LMO7: variants seen among roughly 807,000 people sequenced by gnomAD.
The protein encoded by LMO7 is LIM domain 7.
LMO7 carries 120 observed loss-of-function variants against 206.5 expected under a neutral mutation model. The ratio of observed to expected loss-of-function variants is 0.58; its 90% CI spans 0.50 to 0.68. LMO7 has a LOEUF of 0.68. Ranked by LOEUF, LMO7 falls within the 30% of genes least tolerant of loss-of-function variation. The probability of loss-of-function intolerance (pLI) is 0.00; values close to 1 mark genes in which losing one functional copy is unlikely to be tolerated. For synonymous variants in LMO7, 706 were observed against 681.5 expected (o/e 1.04, Z -0.56); for missense variants, 1,959 against 1,957.9 (o/e 1.00, Z -0.01).
chr13:75,652,614 A>AGTGTGTGTGTGTGTGTGT (rs59671117), intron 1 of LMO7, among the ~76,000 whole-genome samples: 4 of 137,878 alleles, frequency 2.9e-5, no homozygotes, highest in African/African-American at 8.2e-5. Context: ...CCACAAGTTC[A>AGTGTGTGTGTGTGTGTGT]GTGTGTGTGT....
rs144089219 is a variant in LMO7, at chr13:75,841,931, C to T, written c.3979C>T (p.Arg1327Cys). The T allele has an allele frequency of 1.1e-3, 1,744 of 1,613,146 alleles. 2 individuals carry two copies. Among genetic ancestry groups the T allele is most frequent in the South Asian group, 2.7e-3 (249 of 91,042 alleles). Residue 1327 changes from arginine to cysteine, a missense_variant, in exon 24 of 31, where the codon CGC becomes TGC. Transcript: ENST00000377534. ...EQKRPAEEQK[R>C]QAEIERETSV... Reference sequence around the variant, plus strand: ...GAAGCGTCCTGCGGAGGAGCAGAAGCGCCAGGCAGAGATAGAGCGGGAAAC... The same window carrying T: ...GAAGCGTCCTGCGGAGGAGCAGAAGTGCCAGGCAGAGATAGAGCGGGAAAC...
Position 75,774,644 on chromosome 13 carries a change from G to A in LMO7, c.317+13606G>A, listed in dbSNP as rs74458052. Among the ~76,000 whole-genome samples, 383 of 152,064 alleles carry A rather than the reference G, an allele frequency of 2.5e-3. 3 individuals are homozygous for A. In the East Asian group the frequency reaches 0.037, roughly 15 times the overall value. ...TGAGCATCTTTCCATGTACTTAATG[G>A]CTGTTTTAATATACATTATTATCTG... On this transcript the variant is annotated intron_variant, in intron 4 of 30. Transcript: ENST00000377534.
intron 1 of LMO7, among the ~76,000 whole-genome samples, chr13:75,668,290 G>T (rs1296198511): frequency 2.6e-5 from 4 of 152,318 alleles, no homozygotes; most frequent in Middle Eastern, 6.8e-3. Context: ...TCTCTGTAGT[G>T]GTGGCAGTTT....
intron 1 of LMO7, among the ~76,000 whole-genome samples, chr13:75,643,171 C>G (rs576823126): frequency 6.6e-6 from 1 of 152,344 alleles, no homozygotes; most frequent in Non-Finnish European, 1.5e-5. Context: ...CTCTTTCTCT[C>G]TGGATGCCGA....
At chr13:75,692,089 G>GCCT (rs1228592846) in intron 1 of LMO7, among the ~76,000 whole-genome samples, 3 of 152,122 alleles carry the variant, frequency 2.0e-5, no homozygotes, top group Non-Finnish European at 4.4e-5. Context: ...TTGACTTTCT[G>GCCT]CCTCCTCCTG....
intron 3 of LMO7, among the ~76,000 whole-genome samples, chr13:75,749,829 C>T (rs1233382080): frequency 6.6e-6 from 1 of 151,532 alleles, no homozygotes; most frequent in Admixed American, 6.6e-5. Context: ...CCCTCACCCC[C>T]ACCTTTTTTT....
Position 75,823,845 on chromosome 13 carries a change from C to T in LMO7, c.2921C>T (p.Ser974Phe). ...TCTGAATCTGGAGAAGGGGAAATCTCCCCACAAAGAGAAGTCTCAAGATCC... is the reference window on the plus strand; with the variant it reads ...TCTGAATCTGGAGAAGGGGAAATCTTCCCACAAAGAGAAGTCTCAAGATCC... ...LMSESGEGEI[S>F]PQREVSRSQD... Residue 974 changes from serine (S) to phenylalanine (F), a missense_variant, in exon 15 of 31, where the codon TCC (serine) becomes TTC (phenylalanine). Coordinates refer to ENST00000377534, the MANE Select transcript of LMO7 (RefSeq NM_001306080.2). 4 of 1,613,926 alleles carry T rather than the reference C, an allele frequency of 2.5e-6. No individual in the cohort carries two copies. The highest frequency in any genetic ancestry group is 3.4e-6 in the Non-Finnish European group (4 of 1,179,852).
chr13:75,689,624 A>G (rs868383020), intron 1 of LMO7, among the ~76,000 whole-genome samples: 14 of 152,322 alleles, frequency 9.2e-5, no homozygotes, highest in Middle Eastern at 6.8e-3. Context: ...AGAATAAAGC[A>G]GGCAAAAGAC....
exon 1 of LMO7, chr13:75,621,446 T>G: frequency 4.4e-6 from 1 of 227,082 alleles, no homozygotes; most frequent in South Asian, 1.7e-4. Flanking sequence ...GAAAACATTT[T>G]TATGTGAATC....
At chr13:75,751,265 A>C (rs1283761721) in intron 3 of LMO7, among the ~76,000 whole-genome samples, 1 of 139,138 alleles carries the variant, frequency 7.2e-6, no homozygotes, top group Non-Finnish European at 1.5e-5. Context: ...GGTTCACACC[A>C]TTCTCCTGCC....
chr13:75,784,813 T>A (rs1198445330), intron 4 of LMO7, among the ~76,000 whole-genome samples: 2 of 152,194 alleles, frequency 1.3e-5, no homozygotes, highest in Non-Finnish European at 2.9e-5. Context: ...TTTTTCTATT[T>A]AATCTTGTAC....
intron 1 of LMO7, among the ~76,000 whole-genome samples, chr13:75,662,342 A>G (rs1157861835): frequency 1.3e-5 from 2 of 152,208 alleles, no homozygotes; most frequent in Non-Finnish European, 2.9e-5. Flanking sequence ...TTTCTGAGAC[A>G]GAATCTCACT....
At chr13:75,621,964 G>A (rs1159465532) in intron 1 of LMO7, 4 of 773,884 alleles carry the variant, frequency 5.2e-6, no homozygotes, top group African/African-American at 1.8e-5. Flanking sequence ...ACATGTAGGT[G>A]GAAAAGAGGT....
intron 1 of LMO7, among the ~76,000 whole-genome samples, chr13:75,656,540 T>G (rs1477108231): frequency 6.6e-6 from 1 of 152,230 alleles, no homozygotes; most frequent in Non-Finnish European, 1.5e-5. Context: ...TCTCTTAAGT[T>G]ATGACTTGGG....
chr13:75,681,398 C>T (rs1218690046), intron 1 of LMO7, among the ~76,000 whole-genome samples: 3 of 152,030 alleles, frequency 2.0e-5, no homozygotes, highest in Non-Finnish European at 2.9e-5. Flanking sequence ...ATAATAGCAA[C>T]ATTTCTGGTA....
rs66789925 is a variant in LMO7 at position 75,822,762 on chromosome 13, CTATATATATATATATATA to C, written c.2641-786_2641-769del. 1.4e-3 allele frequency among the ~76,000 whole-genome samples: 150 copies of C among 108,438 alleles called. 1 individual carries two copies. The highest frequency in any genetic ancestry group is 4.2e-3 in the African/African-American group (114 of 27,454). 71.1% of individuals were successfully genotyped at this position (108,438 alleles called of 152,430 possible). On this transcript the variant is annotated intron_variant, in intron 14 of 30. Coordinates refer to ENST00000377534, the MANE Select transcript of LMO7 (RefSeq NM_001306080.2). ...GTGTTGCTACAATTATTTTTAGAAA[CTATATATATATATATATA>C]TATATATATATATATAGTTTCTAAA... is the stretch of plus-strand genomic sequence containing the variant.
chr13:75,715,328 G>A (rs748726308), intron 2 of LMO7, among the ~76,000 whole-genome samples: 1 of 152,218 alleles, frequency 6.6e-6, no homozygotes, highest in Non-Finnish European at 1.5e-5. Flanking sequence ...GAATAAATAT[G>A]TAATTTCTAC....
chr13:75,717,558 T>C (rs960119934), intron 2 of LMO7, among the ~76,000 whole-genome samples: 5 of 151,638 alleles, frequency 3.3e-5, no homozygotes, highest in Admixed American at 6.6e-5. Flanking sequence ...TTAAAGATTA[T>C]ATATATACAT....
Position 75,675,202 on chromosome 13 carries a change from G to A in LMO7, c.70-37980G>A, listed in dbSNP as rs542329800. On this transcript the variant is annotated intron_variant, in intron 1 of 30. Transcript: ENST00000377534. ...AGCAGTTCTTCTACCTCAGCCTCCC[G>A]AGTAGGCATTACAGGCGCCTGCCAC... is the stretch of plus-strand genomic sequence containing the variant. 8.6e-5 allele frequency among the ~76,000 whole-genome samples: 13 copies of A among 151,234 alleles called. No homozygotes were observed. In the East Asian group the frequency reaches 2.0e-3, roughly 23 times the overall value.
Sources: allele counts gnomAD v4.1 joint callset (sites outside exome capture counted in the v4.1 genomes callset), GRCh38; gene constraint gnomAD v4.1.1; transcripts MANE v1.5; gene names NCBI Gene and HGNC (gene_info 2026-07-23, HGNC 2026-07-21).